The following SPIDR variants were observed in gnomAD, a reference collection of about 807,000 sequenced individuals.
SPIDR encodes scaffold protein involved in DNA repair.
Under a neutral mutation model 104.6 loss-of-function variants are expected in SPIDR, and 93 were observed. That is an observed-to-expected ratio of 0.89 (90% CI 0.75 to 1.06). The LOEUF is 1.06. SPIDR is among the 50% of genes least tolerant of loss of function. The pLI, the probability that SPIDR is intolerant of heterozygous loss-of-function variation, is 0.00. For missense variants in SPIDR, 1,154 were observed against 1,111.2 expected, an observed-to-expected ratio of 1.04 and a Z score of -0.55; for synonymous variants, 431 against 416.9, an observed-to-expected ratio of 1.03 and a Z score of -0.41.
intron 8 of SPIDR, among the ~76,000 whole-genome samples, chr8:47,487,118 GA>G (rs1354202216): frequency 6.6e-6 from 1 of 152,162 alleles, no homozygotes; most frequent in African/African-American, 2.4e-5. Context: ...CTGATGTGCA[GA>G]GACACACATA....
At position 47,455,429 on chromosome 8, in the gene SPIDR, C is replaced by A. The variant is rs147242290; in HGVS notation, c.1097+14887C>A. On this transcript the variant is annotated intron_variant, in intron 8 of 19. Transcript: ENST00000297423. Reference sequence around the variant, plus strand: ...CACACACACAGACACACAAAAAAAACAGAAAAATATCTAGTAATGAAGTAA... The same window carrying A: ...CACACACACAGACACACAAAAAAAAAAGAAAAATATCTAGTAATGAAGTAA... 9.4e-3 allele frequency among the ~76,000 whole-genome samples: 1,421 copies of A among 150,660 alleles called. 22 individuals carry two copies. The highest frequency in any genetic ancestry group is 0.033 in the African/African-American group (1,338 of 41,096).
At chr8:47,351,349 T>C (rs1391863741) in intron 5 of SPIDR, among the ~76,000 whole-genome samples, 4 of 152,132 alleles carry the variant, frequency 2.6e-5, no homozygotes, top group Admixed American at 2.6e-4. Flanking sequence ...AGGTCCCATG[T>C]TTTAAAAGCA....
At chr8:47,513,445 T>C (rs1177643366) in intron 8 of SPIDR, among the ~76,000 whole-genome samples, 1 of 152,258 alleles carries the variant, frequency 6.6e-6, no homozygotes, top group Admixed American at 6.5e-5. Context: ...TGTTATACTT[T>C]TTAAAAAAAC....
At chr8:47,359,252 CAAAA>C (rs11372277) in intron 5 of SPIDR, among the ~76,000 whole-genome samples, 1 of 114,958 alleles carries the variant, frequency 8.7e-6, no homozygotes, top group African/African-American at 3.9e-5. Context: ...GACTCCGTCT[CAAAA>C]AAAAAAAAAA....
At chr8:47,603,720 T>C (rs1212926617) in intron 10 of SPIDR, among the ~76,000 whole-genome samples, 1 of 152,150 alleles carries the variant, frequency 6.6e-6, no homozygotes, top group East Asian at 1.9e-4. Context: ...CTCTGTCCTT[T>C]AGAGATGCAA....
chr8:47,657,936 G>A (rs1423882418), intron 10 of SPIDR, among the ~76,000 whole-genome samples: 1 of 149,798 alleles, frequency 6.7e-6, no homozygotes, highest in African/African-American at 2.5e-5. Flanking sequence ...AGACTGCAGT[G>A]GAATGATCAC....
At chr8:47,662,116 C>T (rs1369661585) in intron 10 of SPIDR, among the ~76,000 whole-genome samples, 1 of 152,198 alleles carries the variant, frequency 6.6e-6, no homozygotes, top group Non-Finnish European at 1.5e-5. Context: ...GGCGCTCTGT[C>T]CCGCATCCCT....
intron 5 of SPIDR, among the ~76,000 whole-genome samples, chr8:47,306,218 T>C (rs2043070728): frequency 6.6e-6 from 1 of 152,194 alleles, no homozygotes; most frequent in Non-Finnish European, 1.5e-5. Context: ...CTTGACTCAC[T>C]GCAACCTCCG....
At chr8:47,491,721 C>T (rs1344416734) in intron 8 of SPIDR, among the ~76,000 whole-genome samples, 1 of 152,156 alleles carries the variant, frequency 6.6e-6, no homozygotes, top group East Asian at 1.9e-4. Flanking sequence ...TGGTGGCGTA[C>T]ACCTGTAGTC....
At chr8:47,367,688 G>A (rs1037038372) in intron 5 of SPIDR, among the ~76,000 whole-genome samples, 17 of 152,160 alleles carry the variant, frequency 1.1e-4, no homozygotes, top group African/African-American at 4.1e-4. Context: ...CCCATGGCCA[G>A]CCCACTCCAC....
chr8:47,417,088 C>T (rs2064474658), intron 7 of SPIDR, among the ~76,000 whole-genome samples: 1 of 152,264 alleles, frequency 6.6e-6, no homozygotes, highest in South Asian at 2.1e-4. Context: ...AATAAACATA[C>T]ATGTGCATGT....
intron 5 of SPIDR, among the ~76,000 whole-genome samples, chr8:47,323,361 G>A (rs966874098): frequency 6.6e-6 from 1 of 152,196 alleles, no homozygotes; most frequent in Non-Finnish European, 1.5e-5. Context: ...AGTTTCCAAT[G>A]TGAGTGTACA....
chr8:47,276,233 A>G (rs1355700838), intron 1 of SPIDR, among the ~76,000 whole-genome samples: 1 of 152,244 alleles, frequency 6.6e-6, no homozygotes, highest in Non-Finnish European at 1.5e-5. Flanking sequence ...AATTTATTTG[A>G]AAGTTACCTG....
intron 11 of SPIDR, among the ~76,000 whole-genome samples, chr8:47,694,712 G>T (rs1172980188): frequency 6.6e-6 from 1 of 151,974 alleles, no homozygotes; most frequent in Admixed American, 6.6e-5. Context: ...TCACACCACT[G>T]CACTCCAGCC....
intron 10 of SPIDR, among the ~76,000 whole-genome samples, chr8:47,648,929 C>T (rs544568629): frequency 1.3e-5 from 2 of 152,068 alleles, no homozygotes; most frequent in Admixed American, 6.6e-5. Context: ...GGATATTAGA[C>T]GGTTTCACAG....
intron 7 of SPIDR, among the ~76,000 whole-genome samples, chr8:47,435,015 A>C (rs781951879): frequency 2.6e-4 from 40 of 151,712 alleles, no homozygotes; most frequent in Non-Finnish European, 4.6e-4. Flanking sequence ...TCACTCTGTG[A>C]GTCAGGTACT....
chr8:47,683,537 G>A (rs1024201479), intron 11 of SPIDR, among the ~76,000 whole-genome samples: 3 of 152,162 alleles, frequency 2.0e-5, no homozygotes, highest in African/African-American at 7.2e-5. Context: ...AGTACAAGTT[G>A]AGCATCCCTT....
chr8:47,333,400 C>T (rs545112005), intron 5 of SPIDR, among the ~76,000 whole-genome samples: 2 of 152,238 alleles, frequency 1.3e-5, no homozygotes, highest in Admixed American at 1.3e-4. Flanking sequence ...CTCCTGGGTT[C>T]AAGCAATTCT....
At chr8:47,285,289 A>G (rs1026359075) in intron 3 of SPIDR, among the ~76,000 whole-genome samples, 10 of 152,218 alleles carry the variant, frequency 6.6e-5, no homozygotes, top group Admixed American at 6.5e-4. Flanking sequence ...GGTTCTATGC[A>G]AATGAAAAAT....
Sources: allele counts gnomAD v4.1 joint callset (sites outside exome capture counted in the v4.1 genomes callset), GRCh38; gene constraint gnomAD v4.1.1; transcripts MANE v1.5; gene names NCBI Gene and HGNC (gene_info 2026-07-23, HGNC 2026-07-21).